KCNN3: variants seen among roughly 807,000 people sequenced by gnomAD.
KCNN3 encodes the protein potassium calcium-activated channel subfamily N member 3.
Under a neutral mutation model 62.9 loss-of-function variants are expected in KCNN3, and 16 were observed. The observed-to-expected ratio is 0.25, with a 90% CI of 0.17 to 0.39. The LOEUF (loss-of-function observed/expected upper bound fraction) is 0.39. Among genes scored for constraint, KCNN3 ranks in the 10% least tolerant of loss-of-function variants. The probability of loss-of-function intolerance (pLI) is 1.00; values close to 1 mark genes in which losing one functional copy is unlikely to be tolerated. For synonymous variants in KCNN3, 370 were observed against 389.2 expected, an observed-to-expected ratio of 0.95 and a Z score of 0.58; for missense variants, 599 against 949.4, an observed-to-expected ratio of 0.63 and a Z score of 4.85.
rs1699799020 is a variant in KCNN3, at chr1:154,699,100, A to G, written c.*8876T>C. The G allele has an allele frequency of 6.6e-6, 1 of 152,114 alleles. No individual in the cohort carries two copies. The highest frequency in any genetic ancestry group is 1.5e-5 in the Non-Finnish European group (1 of 68,022). The allele number at this position is 152,114 out of a possible 1,614,324, so 9.4% of individuals were successfully genotyped here. A position where few individuals can be genotyped will look rare whatever the true frequency, so the allele number is the denominator to read the frequency against. On this transcript the variant is annotated 3_prime_UTR_variant, in exon 8 of 8. Transcript: ENST00000271915. The stretch of plus-strand genomic sequence containing the variant: ...AAAACAAAGTCACTGAAACAGAAAA[A>G]TGTTTTCCAAAGGAAAAATGTTTCC...
chr1:154,830,329 G>A (rs1571318473), intron 1 of KCNN3, among the ~76,000 whole-genome samples: 1 of 152,222 alleles, frequency 6.6e-6, no homozygotes, highest in Admixed American at 6.5e-5. Flanking sequence ...AGGAAGAGGT[G>A]GGGGCTAGAT....
At chr1:154,792,808 A>T (rs1418784324) in intron 2 of KCNN3, among the ~76,000 whole-genome samples, 3 of 152,202 alleles carry the variant, frequency 2.0e-5, no homozygotes, top group Admixed American at 6.5e-5. Context: ...AGTTCTTTTC[A>T]TGCTGTTTCC....
chr1:154,722,148 G>C (rs1191592357), intron 5 of KCNN3, among the ~76,000 whole-genome samples: 1 of 152,146 alleles, frequency 6.6e-6, no homozygotes, highest in Non-Finnish European at 1.5e-5. Flanking sequence ...AAGACAGGAT[G>C]AATAAATACT....
In KCNN3 at chr1:154,703,697, G is replaced by C. The variant is rs1230698541; in HGVS notation, c.*4279C>G. 6.6e-6 allele frequency: 1 copy of C among 152,136 alleles called. No homozygotes were observed. Among genetic ancestry groups the C allele is most frequent in the Non-Finnish European group, 1.5e-5 (1 of 68,050 alleles). 9.4% of individuals were successfully genotyped at this position (152,136 alleles called of 1,614,324 possible). A position where few individuals can be genotyped will look rare whatever the true frequency, so the allele number is the denominator to read the frequency against. On this transcript the variant is annotated 3_prime_UTR_variant, in exon 8 of 8. Transcript: ENST00000271915. ...CACTCTGGAGGAGGAGGAAGGTTCT[G>C]GAACTACGTGCTAATCCCATATTTC...
chr1:154,799,430 C>G (rs1649863321), intron 2 of KCNN3, among the ~76,000 whole-genome samples: 1 of 152,280 alleles, frequency 6.6e-6, no homozygotes, highest in East Asian at 1.9e-4. Flanking sequence ...CAGGCATCTC[C>G]GTGTTCTAGC....
In KCNN3 at chr1:154,703,502, A is replaced by G. The variant is rs1346073829; in HGVS notation, c.*4474T>C. ...AGGGGAAGAAGAATGAATGTAGAAA[A>G]CTGGGGACATATTTTAGGATTTAAA... On this transcript the variant is annotated 3_prime_UTR_variant, in exon 8 of 8. Coordinates refer to ENST00000271915, the MANE Select transcript of KCNN3 (RefSeq NM_002249.6). The G allele has an allele frequency of 6.6e-6, 1 of 152,200 alleles. No individual in the cohort carries two copies. Among genetic ancestry groups the G allele is most frequent in the East Asian group, 1.9e-4 (1 of 5,206 alleles). The allele number at this position is 152,200 out of a possible 1,614,324, so 9.4% of individuals were successfully genotyped here. A position where few individuals can be genotyped will look rare whatever the true frequency, so the allele number is the denominator to read the frequency against.
chr1:154,784,698 G>A lies in KCNN3; in HGVS notation c.1030-12305C>T, dbSNP rs139368044. Among the ~76,000 whole-genome samples the A allele has an allele frequency of 6.3e-3, 955 of 152,314 alleles. 5 individuals are homozygous for A. Among genetic ancestry groups the A allele is most frequent in the African/African-American group, 0.022 (913 of 41,568 alleles). On this transcript the variant is annotated intron_variant, in intron 2 of 7. Coordinates refer to ENST00000271915, the MANE Select transcript of KCNN3 (RefSeq NM_002249.6). ...CAGGGGGCGGAGGGAGCAGGGCGGCGGTCTCCATTAACAATGGTAACAGCA... is the reference window on the plus strand; with the variant it reads ...CAGGGGGCGGAGGGAGCAGGGCGGCAGTCTCCATTAACAATGGTAACAGCA...
At chr1:154,868,013 G>A in intron 1 of KCNN3, 3 of 985,434 alleles carry the variant, frequency 3.0e-6, no homozygotes, top group Non-Finnish European at 3.6e-6. Flanking sequence ...TGGACTGAGA[G>A]GCTGGAGCAG....
chr1:154,770,728 C>A (rs761224197), intron 3 of KCNN3, among the ~76,000 whole-genome samples: 1 of 152,142 alleles, frequency 6.6e-6, no homozygotes, highest in Non-Finnish European at 1.5e-5. Context: ...CGGTTTCTAA[C>A]CTAGATTTAG....
intron 3 of KCNN3, among the ~76,000 whole-genome samples, chr1:154,740,490 T>C (rs1031707262): frequency 6.6e-6 from 1 of 152,178 alleles, no homozygotes; most frequent in African/African-American, 2.4e-5. Context: ...GCATAAGAGT[T>C]TCTCTAGGAC....
In KCNN3 at chr1:154,722,520, T is replaced by C. The variant is rs140280937; in HGVS notation, c.1701+3396A>G. Among the ~76,000 whole-genome samples, 655 of 151,022 alleles carry C rather than the reference T, an allele frequency of 4.3e-3. 2 individuals are homozygous for C. The highest frequency in any genetic ancestry group is 0.015 in the African/African-American group (622 of 41,050). On this transcript the variant is annotated intron_variant, in intron 5 of 7. Coordinates refer to ENST00000271915, the MANE Select transcript of KCNN3 (RefSeq NM_002249.6). The stretch of plus-strand genomic sequence containing the variant: ...CTCCTGCCTCAGTCTCCCGAGTACC[T>C]GGGGCTACAGGCACGTGCCACTACG...
rs145673382 is a variant in KCNN3, at chr1:154,773,103, C to T, written c.1030-710G>A. ...CAGAGATTTGTTGTGCAGATGATTT[C>T]GTCACCCAGGTACTATTGGGTACAG... On this transcript the variant is annotated intron_variant, in intron 2 of 7. Coordinates refer to ENST00000271915, the MANE Select transcript of KCNN3 (RefSeq NM_002249.6). 7.9e-5 allele frequency among the ~76,000 whole-genome samples: 12 copies of T among 152,174 alleles called. No homozygotes were observed. In the East Asian group the frequency reaches 1.2e-3, roughly 15 times the overall value.
chr1:154,799,952 C>T (rs576569559), intron 2 of KCNN3, among the ~76,000 whole-genome samples: 2 of 152,324 alleles, frequency 1.3e-5, no homozygotes, highest in East Asian at 1.9e-4. Flanking sequence ...TGGGCAGGTC[C>T]CTTGACCTGG....
At chr1:154,795,058 C>G (rs1649672672) in intron 2 of KCNN3, among the ~76,000 whole-genome samples, 1 of 152,132 alleles carries the variant, frequency 6.6e-6, no homozygotes, top group South Asian at 2.1e-4. Flanking sequence ...GTTACTGAGA[C>G]AGGCATAAAT....
chr1:154,799,252 A>T (rs757085602), intron 2 of KCNN3, among the ~76,000 whole-genome samples: 1 of 152,106 alleles, frequency 6.6e-6, no homozygotes, highest in Non-Finnish European at 1.5e-5. Flanking sequence ...ATACTAACAC[A>T]GTTCTTATTA....
chr1:154,749,552 C>T (rs560792500), intron 3 of KCNN3, among the ~76,000 whole-genome samples: 42 of 152,318 alleles, frequency 2.8e-4, no homozygotes, highest in African/African-American at 9.4e-4. Context: ...GACGTGGGAG[C>T]TCTGGTTGGG....
intron 1 of KCNN3, among the ~76,000 whole-genome samples, chr1:154,838,013 G>A (rs1463007504): frequency 6.6e-6 from 1 of 152,174 alleles, no homozygotes; most frequent in Non-Finnish European, 1.5e-5. Flanking sequence ...GGGCAGGAGT[G>A]CACATGCTTC....
intron 2 of KCNN3, among the ~76,000 whole-genome samples, chr1:154,800,702 T>C (rs1466794661): frequency 6.6e-6 from 1 of 152,104 alleles, no homozygotes; most frequent in Non-Finnish European, 1.5e-5. Context: ...GTTCCTTCCC[T>C]AGACTCCAGG....
At chr1:154,774,211 G>A (rs546282245) in intron 2 of KCNN3, among the ~76,000 whole-genome samples, 4 of 152,294 alleles carry the variant, frequency 2.6e-5, no homozygotes, top group Admixed American at 2.0e-4. Flanking sequence ...ATCTGGTCTC[G>A]GTCTTTCTGT....
Sources: allele counts gnomAD v4.1 joint callset (sites outside exome capture counted in the v4.1 genomes callset), GRCh38; gene constraint gnomAD v4.1.1; transcripts MANE v1.5; gene names NCBI Gene and HGNC (gene_info 2026-07-23, HGNC 2026-07-21).